Variants in RASSF3 observed in about 807,000 individuals in gnomAD.
RASSF3 encodes Ras association domain family member 3, also known as ras association domain-containing protein 3.
A neutral mutation model predicts 19.9 loss-of-function variants in RASSF3; 19 were observed. The observed-to-expected ratio is 0.96, with a 90% confidence interval of 0.67 to 1.40. The LOEUF is 1.40. Ranked by LOEUF, RASSF3 falls within the 40% of genes most tolerant of loss-of-function variation. The pLI is 0.00. For missense variants in RASSF3, 306 were observed against 289.8 expected, an observed-to-expected ratio of 1.06 and a Z score of -0.41; for synonymous variants, 110 against 104.2, an observed-to-expected ratio of 1.06 and a Z score of -0.34.
intron 1 of RASSF3, among the ~76,000 whole-genome samples, chr12:64,619,541 A>G (rs1018868695): frequency 5.9e-5 from 9 of 152,160 alleles, no homozygotes; most frequent in Non-Finnish European, 7.3e-5. Context: ...ATATTGCCTC[A>G]CTTGGTTCTT....
intron 1 of RASSF3, among the ~76,000 whole-genome samples, chr12:64,507,823 G>A (rs1183076898): frequency 6.6e-6 from 1 of 152,128 alleles, no homozygotes; most frequent in Non-Finnish European, 1.5e-5. Context: ...TTATTGATGT[G>A]AGAATTTAAA....
Position 64,564,222 on chromosome 12 carries a change from C to A in RASSF3, c.294+22517C>A, listed in dbSNP as rs537135602. On this transcript the variant is annotated intron_variant, in intron 2 of 5. Coordinates refer to the RASSF3 transcript ENST00000637125. ...CTGACAGACAATATTTGCTGTTTGA[C>A]AATGGAGTCTGCATAATTTCTAAAG... Among the ~76,000 whole-genome samples the A allele has an allele frequency of 1.7e-4, 26 of 152,250 alleles. No individual in the cohort carries two copies. The South Asian group carries it at 3.9e-3, about 23-fold the overall frequency.
At chr12:64,685,412 T>G (rs142856000) in intron 2 of RASSF3, among the ~76,000 whole-genome samples, 1,668 of 152,108 alleles carry the variant, frequency 0.011, 26 homozygotes, top group African/African-American at 0.039. Context: ...GCCCAGCTAA[T>G]TTTTGTATTT....
At chr12:64,599,762 G>A (rs1039628263) in intron 2 of RASSF3, among the ~76,000 whole-genome samples, 2 of 152,190 alleles carry the variant, frequency 1.3e-5, no homozygotes, top group Non-Finnish European at 2.9e-5. Context: ...GCCGGGCGCG[G>A]TGGCTCACGC....
At chr12:64,638,552 C>A (rs1871404091) in intron 1 of RASSF3, among the ~76,000 whole-genome samples, 1 of 149,248 alleles carries the variant, frequency 6.7e-6, no homozygotes. Context: ...TGCACTGCAG[C>A]CTGGGCGACA....
intron 2 of RASSF3, among the ~76,000 whole-genome samples, chr12:64,552,051 G>T (rs1869173388): frequency 6.6e-6 from 1 of 152,170 alleles, no homozygotes; most frequent in Non-Finnish European, 1.5e-5. Context: ...GTCACACCCA[G>T]ACCCTAAATT....
At position 64,684,736 on chromosome 12, in the gene RASSF3, G is replaced by T. The variant is rs370939151; in HGVS notation, c.112-51G>T. Reference sequence around the variant, plus strand: ...GTGAGCCACTGCGCCCGGCCTATCCGCACTTTTTTTTATGATTGCTCACAT... The same window carrying T: ...GTGAGCCACTGCGCCCGGCCTATCCTCACTTTTTTTTATGATTGCTCACAT... On this transcript the variant is annotated intron_variant, in intron 1 of 4. Coordinates refer to ENST00000542104, the MANE Select transcript of RASSF3 (RefSeq NM_178169.4). 4 of 1,303,254 alleles carry T rather than the reference G, an allele frequency of 3.1e-6. No homozygotes were observed. The Admixed American group carries it at 5.1e-5, about 17-fold the overall frequency. 80.7% of individuals were successfully genotyped at this position (1,303,254 alleles called of 1,614,324 possible). A position where few individuals can be genotyped will look rare whatever the true frequency, so the allele number is the denominator to read the frequency against.
intron 2 of RASSF3, among the ~76,000 whole-genome samples, chr12:64,602,040 C>T (rs753011934): frequency 4.0e-5 from 6 of 150,208 alleles, no homozygotes; most frequent in Non-Finnish European, 5.9e-5. Context: ...TGGGGTGAAC[C>T]TGGGAGTCAG....
Position 64,610,742 on chromosome 12 carries a change from A to C in RASSF3, c.110A>C (p.Gln37Pro), listed in dbSNP as rs1210390152. The change falls in exon 1 of 5, where the codon CAA becomes CCA. Residue 37 changes from glutamine (Q) to proline (P), a missense_variant and splice_region_variant. Transcript: ENST00000542104. The stretch of plus-strand genomic sequence containing the variant: ...CAGGGCAAGCCCCGCTCCGGCCAAC[A>C]AGTGAGTGGCGCGCGGCGGGCGCTG... ...APQGKPRSGQ[Q>P]DVEKEKETHS... is the part of the protein sequence containing the mutation. The C allele has an allele frequency of 3.8e-6, 6 of 1,576,036 alleles. No individual in the cohort carries two copies. The highest frequency in any genetic ancestry group is 3.4e-5 in the South Asian group (3 of 88,370).
intron 2 of RASSF3, among the ~76,000 whole-genome samples, chr12:64,553,631 A>C (rs927769051): frequency 3.3e-5 from 5 of 152,134 alleles, no homozygotes; most frequent in African/African-American, 1.2e-4. Context: ...CCAACAGGTG[A>C]CCATCCAGCC....
At chr12:64,559,186 G>T (rs1869303943) in intron 2 of RASSF3, among the ~76,000 whole-genome samples, 1 of 152,000 alleles carries the variant, frequency 6.6e-6, no homozygotes, top group Non-Finnish European at 1.5e-5. Flanking sequence ...AGTCCTGAAG[G>T]CACTGGTGAA....
chr12:64,561,019 G>C (rs1183688345), intron 2 of RASSF3, among the ~76,000 whole-genome samples: 1 of 152,266 alleles, frequency 6.6e-6, no homozygotes, highest in Non-Finnish European at 1.5e-5. Context: ...TATTAGTACA[G>C]AATGAGTCTG....
At chr12:64,535,083 G>GAAAA (rs138219693) in intron 1 of RASSF3, among the ~76,000 whole-genome samples, 4 of 148,688 alleles carry the variant, frequency 2.7e-5, no homozygotes, top group Non-Finnish European at 4.5e-5. Flanking sequence ...ACGTTTATAT[G>GAAAA]AAAAAAAAAA....
At chr12:64,582,842 T>A (rs753120303) in intron 2 of RASSF3, among the ~76,000 whole-genome samples, 13 of 152,198 alleles carry the variant, frequency 8.5e-5, no homozygotes, top group Admixed American at 2.0e-4. Context: ...GATTTGGCAC[T>A]ACTATTGATT....
intron 1 of RASSF3, among the ~76,000 whole-genome samples, chr12:64,514,343 C>G (rs752296861): frequency 6.6e-6 from 1 of 151,638 alleles, no homozygotes; most frequent in African/African-American, 2.4e-5. Flanking sequence ...CGTGCCACTA[C>G]GCCGAGCTAA....
chr12:64,536,243 CT>C (rs1160364531), intron 1 of RASSF3, among the ~76,000 whole-genome samples: 1 of 151,774 alleles, frequency 6.6e-6, no homozygotes, highest in Non-Finnish European at 1.5e-5. Flanking sequence ...ATCTCCTGAC[CT>C]CGTGATCTGC....
At chr12:64,592,419 T>C (rs1043432508) in intron 2 of RASSF3, among the ~76,000 whole-genome samples, 2 of 152,214 alleles carry the variant, frequency 1.3e-5, no homozygotes, top group African/African-American at 2.4e-5. Context: ...CTATAAATAA[T>C]GGTACAGTCT....
chr12:64,664,431 A>G (rs992898757), intron 1 of RASSF3, among the ~76,000 whole-genome samples: 2 of 152,170 alleles, frequency 1.3e-5, no homozygotes, highest in African/African-American at 4.8e-5. Flanking sequence ...TATTCTGTGC[A>G]GTTTACACCT....
intron 2 of RASSF3, among the ~76,000 whole-genome samples, chr12:64,584,879 C>CTTTTTTTTTT (rs34522445): frequency 3.7e-5 from 3 of 80,818 alleles, no homozygotes; most frequent in Non-Finnish European, 6.6e-5. Context: ...CAGAAGGATT[C>CTTTTTTTTTT]TTTTTTTTTT....
Sources: gnomAD v4.1 joint callset for allele counts (sites outside exome capture counted in the v4.1 genomes callset) on GRCh38, gnomAD v4.1.1 for gene constraint, MANE v1.5 for transcripts, NCBI Gene and HGNC (gene_info 2026-07-23, HGNC 2026-07-21) for gene names.